The following CTTN variants were observed in gnomAD, a reference collection of about 807,000 sequenced individuals.
CTTN encodes the protein src substrate cortactin.
A neutral mutation model predicts 84.0 loss-of-function variants in CTTN; 28 were observed. That is an observed-to-expected ratio of 0.33 (90% CI 0.25 to 0.46). The LOEUF is 0.46. CTTN is among the 20% of genes least tolerant of loss of function. The probability of loss-of-function intolerance (pLI) is 1.00; values close to 1 mark genes in which losing one functional copy is unlikely to be tolerated. For missense variants in CTTN, 641 were observed against 723.8 expected (o/e 0.89, Z 1.31); for synonymous variants, 301 against 288.8 (o/e 1.04, Z -0.43).
chr11:70,429,826 A>AC (rs149513580), intron 14 of CTTN, among the ~76,000 whole-genome samples: 3,477 of 152,176 alleles, frequency 0.023, 40 homozygotes, highest in African/African-American at 0.033. Flanking sequence ...CAGCTGGATC[A>AC]GGGGGGTTGT....
intron 13 of CTTN, 81 bp from the exon 14 acceptor site, chr11:70,428,970 A>T: frequency 6.5e-7 from 1 of 1,542,176 alleles, no homozygotes; most frequent in Non-Finnish European, 8.9e-7. Flanking sequence ...TGGGGAGGTC[A>T]CTCTGTGTGG....
intron 11 of CTTN, chr11:70,422,234 A>G: frequency 2.9e-6 from 1 of 344,944 alleles, no homozygotes; most frequent in South Asian, 2.2e-5. Flanking sequence ...CTTGGTTATT[A>G]GAACCTGAAC....
chr11:70,411,975 G>T (rs1479967322), intron 5 of CTTN, among the ~76,000 whole-genome samples: 1 of 152,196 alleles, frequency 6.6e-6, no homozygotes, highest in Non-Finnish European at 1.5e-5. Context: ...AACCAAGGAG[G>T]CTTATGGAGC....
chr11:70,425,224 G>C (rs1371366263), intron 12 of CTTN, 108 bp from the exon 13 acceptor site: 1 of 818,818 alleles, frequency 1.2e-6, no homozygotes, highest in East Asian at 2.7e-5. Flanking sequence ...CTGTGTGGCT[G>C]GGCCTTTGGG....
intron 1 of CTTN, among the ~76,000 whole-genome samples, chr11:70,404,188 A>G (rs1200624036): frequency 6.6e-6 from 1 of 152,228 alleles, no homozygotes; most frequent in Non-Finnish European, 1.5e-5. Context: ...GTCAGAAACC[A>G]GATAGGAAAT....
chr11:70,417,532 G>A (rs939185086), intron 8 of CTTN, among the ~76,000 whole-genome samples: 3 of 150,708 alleles, frequency 2.0e-5, no homozygotes, highest in South Asian at 4.2e-4. Flanking sequence ...GTCTCGCTCC[G>A]TTGCCCAGGC....
At chr11:70,407,165 G>C (rs2058048454) in intron 2 of CTTN, 133 bp from the exon 3 acceptor site, 2 of 666,472 alleles carry the variant, frequency 3.0e-6, no homozygotes, top group Non-Finnish European at 5.2e-6. Flanking sequence ...GGATCATGAA[G>C]GATTGGCTGG....
intron 14 of CTTN, among the ~76,000 whole-genome samples, chr11:70,429,562 C>G (rs950007314): frequency 3.3e-5 from 5 of 152,158 alleles, no homozygotes; most frequent in African/African-American, 1.2e-4. Context: ...ACCCCTCCCC[C>G]TCTGGAAGCC....
chr11:70,423,740 C>CT (rs1199994550), intron 12 of CTTN, among the ~76,000 whole-genome samples: 1 of 152,198 alleles, frequency 6.6e-6, no homozygotes, highest in Non-Finnish European at 1.5e-5. Context: ...GGGGATAGAG[C>CT]TGGCCCTGGA....
Position 70,429,218 on chromosome 11 carries a change from G to A in CTTN, c.1176+19G>A. On this transcript the variant is annotated intron_variant, in intron 14 of 17. Coordinates refer to ENST00000301843, the MANE Select transcript of CTTN (RefSeq NM_005231.4). ...GCTGGAGGTGAGTGGCAAGGAGTGGGCCGCAGCGCACCCTCCCTGGGACCT... is the reference window on the plus strand; with the variant it reads ...GCTGGAGGTGAGTGGCAAGGAGTGGACCGCAGCGCACCCTCCCTGGGACCT... The A allele has an allele frequency of 6.2e-7, 1 of 1,604,700 alleles. No individual in the cohort carries two copies. Among genetic ancestry groups the A allele is most frequent in the Non-Finnish European group, 8.5e-7 (1 of 1,175,888 alleles).
chr11:70,411,553 G>T (rs193299664), intron 5 of CTTN, among the ~76,000 whole-genome samples: 4 of 152,190 alleles, frequency 2.6e-5, no homozygotes, highest in Non-Finnish European at 4.4e-5. Flanking sequence ...GGGAGTTAGC[G>T]CAGAGAGACA....
At chr11:70,423,395 T>C (rs892092756) in intron 12 of CTTN, among the ~76,000 whole-genome samples, 7 of 152,212 alleles carry the variant, frequency 4.6e-5, no homozygotes, top group Non-Finnish European at 1.0e-4. Flanking sequence ...CAGCGCTGCG[T>C]GTGCGGTGAT....
chr11:70,433,052 C>G (rs377421337), intron 15 of CTTN, 49 bp from the exon 16 acceptor site: 63 of 1,586,476 alleles, frequency 4.0e-5, no homozygotes, highest in Admixed American at 5.2e-5. Flanking sequence ...CTACTGCTCT[C>G]TAGAAGCCAG....
Position 70,435,921 on chromosome 11 carries a change from G to A in CTTN, c.*759G>A. 1 of 1,461,560 alleles carries A rather than the reference G, an allele frequency of 6.8e-7. No homozygotes were observed. The highest frequency in any genetic ancestry group is 1.4e-5 in the South Asian group (1 of 70,256). The allele number at this position is 1,461,560 out of a possible 1,614,324, so 90.5% of individuals were successfully genotyped here. A position where few individuals can be genotyped will look rare whatever the true frequency, so the allele number is the denominator to read the frequency against. On this transcript the variant is annotated 3_prime_UTR_variant, in exon 18 of 18. Coordinates refer to ENST00000301843, the MANE Select transcript of CTTN (RefSeq NM_005231.4). ...CCCTGCCCCGCGGGTCTCTGGATTGGGACGCACAGTGCAGTTGAGGTCTGC... is the reference window on the plus strand; with the variant it reads ...CCCTGCCCCGCGGGTCTCTGGATTGAGACGCACAGTGCAGTTGAGGTCTGC...
chr11:70,399,638 G>C (rs955089969), intron 1 of CTTN, among the ~76,000 whole-genome samples: 1 of 152,196 alleles, frequency 6.6e-6, no homozygotes, highest in African/African-American at 2.4e-5. Context: ...CCATCACCTG[G>C]ATAGTCTAAG....
chr11:70,425,432 G>C, intron 13 of CTTN, 31 bp downstream of exon 13: 1 of 1,575,462 alleles, frequency 6.3e-7, no homozygotes, highest in Non-Finnish European at 8.7e-7. Context: ...GGAGCACCGT[G>C]TGGTTTCCCA....
chr11:70,420,534 G>A lies in CTTN; in HGVS notation c.790+24G>A, dbSNP rs367981191. On this transcript the variant is annotated intron_variant, in intron 10 of 17. Coordinates refer to ENST00000301843, the MANE Select transcript of CTTN (RefSeq NM_005231.4). ...AGGTACATTCACTCTGCCTGTATGC[G>A]AGATGGTTTTAGAAGTTTGTTTTTG... The A allele has an allele frequency of 8.7e-5, 136 of 1,559,272 alleles. 1 individual carries two copies. The South Asian group carries it at 1.3e-3, about 15-fold the overall frequency.
At chr11:70,413,999 C>T (rs1257946512) in intron 5 of CTTN, among the ~76,000 whole-genome samples, 1 of 152,134 alleles carries the variant, frequency 6.6e-6, no homozygotes, top group Non-Finnish European at 1.5e-5. Flanking sequence ...CGACCTGTGT[C>T]CAGGGTTCGT....
At chr11:70,414,881 C>T (rs991617598) in intron 6 of CTTN, among the ~76,000 whole-genome samples, 2 of 152,194 alleles carry the variant, frequency 1.3e-5, no homozygotes, top group African/African-American at 2.4e-5. Flanking sequence ...CTCTTCACTA[C>T]GTGCCTCAGT....
Sources: allele counts gnomAD v4.1 joint callset (sites outside exome capture counted in the v4.1 genomes callset), GRCh38; gene constraint gnomAD v4.1.1; transcripts MANE v1.5; gene names NCBI Gene and HGNC (gene_info 2026-07-23, HGNC 2026-07-21).